The following NGEF variants were observed in gnomAD, a reference collection of about 807,000 sequenced individuals.
NGEF encodes neuronal guanine nucleotide exchange factor.
A neutral mutation model predicts 80.9 loss-of-function variants in NGEF; 31 were observed. The observed-to-expected ratio is 0.38, with a 90% CI of 0.29 to 0.52. The LOEUF is 0.52. NGEF is among the 20% of genes least tolerant of loss of function. The pLI is 0.84. For synonymous variants in NGEF, 371 were observed against 370.2 expected (o/e 1.00, Z -0.03); for missense variants, 709 against 926.2 (o/e 0.77, Z 3.04).
At chr2:232,902,670 G>A (rs1422252969) in intron 5 of NGEF, among the ~76,000 whole-genome samples, 1 of 152,224 alleles carries the variant, frequency 6.6e-6, no homozygotes, top group Admixed American at 6.5e-5. Context: ...TTGAGAACAT[G>A]TTCAGCCTGC....
intron 3 of NGEF, among the ~76,000 whole-genome samples, chr2:232,932,534 C>T (rs543224265): frequency 6.6e-6 from 1 of 152,154 alleles, no homozygotes; most frequent in Non-Finnish European, 1.5e-5. Flanking sequence ...CAAAACTCTT[C>T]TAGCCTCTAC....
intron 2 of NGEF, among the ~76,000 whole-genome samples, chr2:232,974,296 C>T (rs1287077052): frequency 1.3e-5 from 2 of 151,800 alleles, no homozygotes; most frequent in Admixed American, 6.6e-5. Flanking sequence ...TCAGATGACC[C>T]GTAATGTGGA....
chr2:232,887,683 G>C lies in NGEF; in HGVS notation c.1347+350C>G, dbSNP rs186184572. 4.5e-4 allele frequency among the ~76,000 whole-genome samples: 69 copies of C among 152,312 alleles called. No homozygotes were observed. The South Asian group carries it at 7.5e-3, about 16-fold the overall frequency. ...TGCCTGCAAAGAACAATCCCAGGGA[G>C]CTGATGAGAGGAATCAGGGCCTGTG... On this transcript the variant is annotated intron_variant, in intron 9 of 14. Transcript: ENST00000264051.
At chr2:232,952,689 C>T (rs1055258391) in intron 3 of NGEF, among the ~76,000 whole-genome samples, 2 of 152,020 alleles carry the variant, frequency 1.3e-5, no homozygotes, top group South Asian at 2.1e-4. Flanking sequence ...ATCAGTGAGC[C>T]GGGCGCAGTG....
chr2:232,983,531 G>A (rs1040668765), intron 1 of NGEF, among the ~76,000 whole-genome samples: 2 of 152,298 alleles, frequency 1.3e-5, no homozygotes, highest in South Asian at 2.1e-4. Context: ...GCCTGCAGGA[G>A]GGAAGCCAGG....
chr2:232,914,233 C>T (rs539839931), intron 5 of NGEF, among the ~76,000 whole-genome samples: 1 of 152,202 alleles, frequency 6.6e-6, no homozygotes, highest in South Asian at 2.1e-4. Context: ...GGCCCTTTAA[C>T]AGAAAGTTTG....
intron 3 of NGEF, among the ~76,000 whole-genome samples, chr2:232,946,088 G>A (rs1167215477): frequency 6.7e-6 from 1 of 150,110 alleles, no homozygotes; most frequent in Non-Finnish European, 1.5e-5. Context: ...TGCACACAAT[G>A]GAATAGTACT....
chr2:232,886,488 G>A (rs1691698983), intron 9 of NGEF, among the ~76,000 whole-genome samples: 1 of 152,254 alleles, frequency 6.6e-6, no homozygotes, highest in Non-Finnish European at 1.5e-5. Flanking sequence ...TTTAGGGCGA[G>A]CTGCAGCCTG....
intron 3 of NGEF, among the ~76,000 whole-genome samples, chr2:232,954,382 G>C (rs977671173): frequency 6.6e-6 from 1 of 152,122 alleles, no homozygotes; most frequent in Non-Finnish European, 1.5e-5. Flanking sequence ...GCCAGAAAAT[G>C]ACATTTTAAT....
At chr2:232,979,648 T>C (rs1393302509) in intron 1 of NGEF, among the ~76,000 whole-genome samples, 1 of 152,086 alleles carries the variant, frequency 6.6e-6, no homozygotes, top group African/African-American at 2.4e-5. Flanking sequence ...GGGGATAGCT[T>C]TGTGATTGAG....
At chr2:232,888,221 T>C (rs1293111345) in intron 8 of NGEF, 114 bp from the exon 9 acceptor site, 9 of 704,810 alleles carry the variant, frequency 1.3e-5, no homozygotes, top group East Asian at 1.3e-4. Context: ...TGCTGCAGCA[T>C]GCACACACAC....
chr2:232,885,879 C>T (rs1385406838), intron 9 of NGEF, among the ~76,000 whole-genome samples: 3 of 152,244 alleles, frequency 2.0e-5, no homozygotes, highest in East Asian at 1.9e-4. Flanking sequence ...GGGAAGTGTG[C>T]GCGAGGGCCT....
In NGEF at chr2:232,879,468, C is replaced by T. The variant is rs199927007; in HGVS notation, c.*21G>A. ...CGGGGTCTCATGCAGGCCCTGCTCC[C>T]GCTGGCCCCCTGGGTGGGGGTCATT... On this transcript the variant is annotated 3_prime_UTR_variant, in exon 15 of 15. Coordinates refer to ENST00000264051, the MANE Select transcript of NGEF (RefSeq NM_019850.3). 7.8e-4 allele frequency: 1,240 copies of T among 1,595,436 alleles called. 2 individuals carry two copies. Among genetic ancestry groups the T allele is most frequent in the Non-Finnish European group, 8.6e-4 (1,009 of 1,167,360 alleles).
chr2:232,885,579 G>C, intron 9 of NGEF: 1 of 571,240 alleles, frequency 1.8e-6, no homozygotes. Context: ...CTGTTAGTTT[G>C]GGTGGAGAAA....
intron 2 of NGEF, among the ~76,000 whole-genome samples, chr2:232,974,258 A>G (rs1694246681): frequency 6.6e-6 from 1 of 152,172 alleles, no homozygotes; most frequent in South Asian, 2.1e-4. Context: ...AACAGGACAG[A>G]ACCTCATCAC....
chr2:232,977,284 G>A (rs1430731316), intron 1 of NGEF, among the ~76,000 whole-genome samples: 1 of 152,162 alleles, frequency 6.6e-6, no homozygotes, highest in Non-Finnish European at 1.5e-5. Context: ...GAGGGACGAG[G>A]TCACCATTGT....
intron 4 of NGEF, among the ~76,000 whole-genome samples, chr2:232,922,450 G>A (rs1692966420): frequency 6.6e-6 from 1 of 152,088 alleles, no homozygotes; most frequent in African/African-American, 2.4e-5. Flanking sequence ...CTTTTCCAAC[G>A]ATGCAACCCA....
At chr2:232,897,592 C>T (rs985888163) in intron 5 of NGEF, among the ~76,000 whole-genome samples, 33 of 152,138 alleles carry the variant, frequency 2.2e-4, no homozygotes, top group African/African-American at 6.8e-4. Context: ...AAATAAGGGA[C>T]GAATCTGGAA....
intron 1 of NGEF, among the ~76,000 whole-genome samples, chr2:233,004,314 C>A (rs986646088): frequency 1.3e-5 from 2 of 152,160 alleles, no homozygotes; most frequent in African/African-American, 2.4e-5. Flanking sequence ...CCCTCCCATG[C>A]TCCCTGCTTT....
Sources: gnomAD v4.1 joint callset for allele counts (sites outside exome capture counted in the v4.1 genomes callset) on GRCh38, gnomAD v4.1.1 for gene constraint, MANE v1.5 for transcripts, NCBI Gene and HGNC (gene_info 2026-07-23, HGNC 2026-07-21) for gene names.